The following C7orf78 variants were observed in gnomAD, a reference collection of about 807,000 sequenced individuals.
C7orf78 encodes putative uncharacterized protein C7orf78.
the C7orf78 span, among the ~76,000 whole-genome samples, chr7:12,506,230 G>A: frequency 0.2 from 29,856 of 152,144 alleles, 3,957 homozygotes; most frequent in African/African-American, 0.38. Flanking sequence ...GGAAGACAGC[G>A]TGGCGATTCC....
the C7orf78 span, among the ~76,000 whole-genome samples, chr7:12,518,247 T>G: frequency 0.062 from 9,469 of 152,216 alleles, 352 homozygotes; most frequent in African/African-American, 0.11. Flanking sequence ...CAGGCCCAAG[T>G]GGTTGCAGCA....
the C7orf78 span, among the ~76,000 whole-genome samples, chr7:12,506,504 A>G: frequency 2.0e-5 from 3 of 152,150 alleles, no homozygotes; most frequent in Non-Finnish European, 4.4e-5. Context: ...ACATAGATGA[A>G]GGTGTAAACC....
chr7:12,512,817 T>C, the C7orf78 span, among the ~76,000 whole-genome samples: 1 of 152,206 alleles, frequency 6.6e-6, no homozygotes, highest in African/African-American at 2.4e-5. Context: ...GTATTTTCTT[T>C]GCTGAGAGCC....
chr7:12,541,821 C>T, the C7orf78 span: 1 of 152,042 alleles, frequency 6.6e-6, no homozygotes, highest in Non-Finnish European at 1.5e-5. Flanking sequence ...TTCTAATACA[C>T]TTTAAGAAGC....
chr7:12,508,511 T>G, the C7orf78 span, among the ~76,000 whole-genome samples: 1 of 152,240 alleles, frequency 6.6e-6, no homozygotes, highest in Admixed American at 6.5e-5. Context: ...TTTTCATTTC[T>G]ATATCATACA....
the C7orf78 span, chr7:12,538,262 T>C: frequency 6.6e-6 from 1 of 152,186 alleles, no homozygotes; most frequent in Non-Finnish European, 1.5e-5. Context: ...TAATCTCACA[T>C]CCAATTCAAA....
chr7:12,513,365 C>T, the C7orf78 span, among the ~76,000 whole-genome samples: 1 of 151,698 alleles, frequency 6.6e-6, no homozygotes, highest in Non-Finnish European at 1.5e-5. Flanking sequence ...TGTTGTTGCT[C>T]TTGTTTTTAT....
chr7:12,502,401 C>A, the C7orf78 span, among the ~76,000 whole-genome samples: 1 of 150,430 alleles, frequency 6.6e-6, no homozygotes, highest in Admixed American at 6.6e-5. Context: ...AAACAAACAA[C>A]CCCATCAAAA....
the C7orf78 span, among the ~76,000 whole-genome samples, chr7:12,502,385 A>G: frequency 6.0e-5 from 9 of 151,124 alleles, no homozygotes; most frequent in African/African-American, 2.2e-4. Context: ...CAAATTTACA[A>G]GAAAAAAACA....
At chr7:12,521,688 G>T in the C7orf78 span, among the ~76,000 whole-genome samples, 1 of 137,922 alleles carries the variant, frequency 7.3e-6, no homozygotes, top group East Asian at 2.2e-4. Context: ...TTATTTTGAG[G>T]CCACCCTCCA....
chr7:12,529,096 C>T, the C7orf78 span: 52 of 397,872 alleles, frequency 1.3e-4, 1 homozygote, highest in African/African-American at 7.0e-4. Context: ...GCACTGTTGT[C>T]GACAATTGCT....
the C7orf78 span, chr7:12,523,443 G>T: frequency 1.0e-5 from 4 of 397,928 alleles, no homozygotes; most frequent in South Asian, 1.3e-4. Context: ...AAGAGCATTT[G>T]AATAAAAACT....
chr7:12,512,685 C>G, the C7orf78 span, among the ~76,000 whole-genome samples: 14 of 152,236 alleles, frequency 9.2e-5, 1 homozygote, highest in African/African-American at 2.6e-4. Flanking sequence ...GCTTTTGTAT[C>G]AGAGTAATGC....
At chr7:12,530,157 CT>C in the C7orf78 span, among the ~76,000 whole-genome samples, 1 of 152,060 alleles carries the variant, frequency 6.6e-6, no homozygotes, top group Admixed American at 6.5e-5. Flanking sequence ...TAAGCTTTGT[CT>C]GTTAAGTCAG....
At chr7:12,530,787 T>A in the C7orf78 span, among the ~76,000 whole-genome samples, 49 of 152,182 alleles carry the variant, frequency 3.2e-4, 1 homozygote, top group African/African-American at 1.1e-3. Flanking sequence ...AAGACTCTTG[T>A]AGAAAAAAAT....
the C7orf78 span, among the ~76,000 whole-genome samples, chr7:12,486,035 A>G: frequency 6.6e-6 from 1 of 152,134 alleles, no homozygotes; most frequent in Non-Finnish European, 1.5e-5. Context: ...GATGACTCTG[A>G]AAATGCTGAC....
At chr7:12,524,795 A>G in the C7orf78 span, among the ~76,000 whole-genome samples, 389 of 150,996 alleles carry the variant, frequency 2.6e-3, 3 homozygotes, top group African/African-American at 8.8e-3. Flanking sequence ...GTGAGCCGAG[A>G]TCTCACCACT....
At chr7:12,519,068 C>T in the C7orf78 span, among the ~76,000 whole-genome samples, 1 of 152,052 alleles carries the variant, frequency 6.6e-6, no homozygotes, top group Non-Finnish European at 1.5e-5. Flanking sequence ...GTAGTGGCTT[C>T]AGCACTGTGC....
At chr7:12,524,316 G>A in the C7orf78 span, among the ~76,000 whole-genome samples, 1 of 152,166 alleles carries the variant, frequency 6.6e-6, no homozygotes, top group Non-Finnish European at 1.5e-5. Context: ...GGTATTCGAT[G>A]AATGTTAACT....
Sources: allele counts gnomAD v4.1 joint callset (sites outside exome capture counted in the v4.1 genomes callset), GRCh38; gene constraint gnomAD v4.1.1; transcripts MANE v1.5; gene names NCBI Gene and HGNC (gene_info 2026-07-23, HGNC 2026-07-21).